The following NRG1 variants were observed in gnomAD, a reference collection of about 807,000 sequenced individuals.
NRG1 encodes the protein neuregulin 1.
NRG1 carries 18 observed loss-of-function variants against 63.8 expected under a neutral mutation model. The ratio of observed to expected loss-of-function variants is 0.28; its 90% CI spans 0.19 to 0.42. NRG1 has a LOEUF of 0.42. Ranked by LOEUF, NRG1 falls within the 10% of genes least tolerant of loss-of-function variation. The probability of loss-of-function intolerance (pLI) is 1.00; values close to 1 mark genes in which losing one functional copy is unlikely to be tolerated. For missense variants in NRG1, 762 were observed against 814.7 expected, an observed-to-expected ratio of 0.94 and a Z score of 0.79; for synonymous variants, 302 against 301.3, an observed-to-expected ratio of 1.00 and a Z score of -0.02.
chr8:32,270,956 C>A (rs184033391), intron 1 of NRG1, among the ~76,000 whole-genome samples: 72 of 152,244 alleles, frequency 4.7e-4, no homozygotes, highest in Non-Finnish European at 1.0e-3. Context: ...TTCTGCCTCT[C>A]TTCTGCTGCC....
In NRG1 at chr8:31,856,910, C is replaced by A. The variant is rs1322866898; in HGVS notation, c.37+217479C>A. ...GTCTGCCCCTGCTGGGGGATGCCTC[C>A]CAGTTAGGCTGCTCGGGGGTCAGGT... On this transcript the variant is annotated intron_variant, in intron 1 of 10. Coordinates refer to the NRG1 transcript ENST00000519301. 2.6e-5 allele frequency among the ~76,000 whole-genome samples: 4 copies of A among 152,162 alleles called. No homozygotes were observed. The East Asian group carries it at 7.7e-4, about 29-fold the overall frequency.
chr8:32,433,202 T>A (rs1298240027), intron 1 of NRG1, among the ~76,000 whole-genome samples: 1 of 152,066 alleles, frequency 6.6e-6, no homozygotes, highest in Non-Finnish European at 1.5e-5. Context: ...CAGCATTGCA[T>A]CAAATGGAAG....
At position 32,549,688 on chromosome 8, in the gene NRG1, C is replaced by T. The variant is rs191594896; in HGVS notation, c.100+862C>T. Among the ~76,000 whole-genome samples, 1,232 of 152,232 alleles carry T rather than the reference C, an allele frequency of 8.1e-3. 10 individuals are homozygous for T. Among genetic ancestry groups the T allele is most frequent in the Middle Eastern group, 0.031 (9 of 294 alleles). ...TCTAGAAACAAATCTTGTATTTCAT[C>T]ATCAGAACACGAGCATGAACAAAAG... is the stretch of plus-strand genomic sequence containing the variant. On this transcript the variant is annotated intron_variant, in intron 1 of 11. Coordinates refer to ENST00000356819, the Ensembl canonical transcript of NRG1.
chr8:32,092,115 G>A lies in NRG1; in HGVS notation c.37+452684G>A, dbSNP rs569574045. Among the ~76,000 whole-genome samples the A allele has an allele frequency of 3.9e-5, 6 of 152,168 alleles. 1 individual carries two copies. The highest frequency in any genetic ancestry group is 1.4e-4 in the African/African-American group (6 of 41,502). ...AAATATATGTTATTTCACAACATAT[G>A]TAAAACCATTAAAATACATTGACAT... On this transcript the variant is annotated intron_variant, in intron 1 of 10. Coordinates refer to the NRG1 transcript ENST00000519301.
At chr8:32,082,370 C>T (rs952231346) in intron 1 of NRG1, among the ~76,000 whole-genome samples, 1 of 152,040 alleles carries the variant, frequency 6.6e-6, no homozygotes, top group African/African-American at 2.4e-5. Flanking sequence ...CTACCCTCCA[C>T]CCTCCACCCT....
intron 1 of NRG1, among the ~76,000 whole-genome samples, chr8:32,471,368 GT>G (rs1176022106): frequency 2.0e-5 from 3 of 152,238 alleles, no homozygotes; most frequent in East Asian, 3.9e-4. Context: ...AAGTGAGTCT[GT>G]TTTTTCCCCT....
rs35398326 is a variant in NRG1, at chr8:32,738,425, T to TACACACACACAC, written c.633-4240_633-4229dup. ...ATTAATGAAACGAATGGTATATACA[T>TACACACACACAC]ACACACACACACACACACACATATG... On this transcript the variant is annotated intron_variant, in intron 6 of 11. Transcript: ENST00000356819. 1.3e-3 allele frequency among the ~76,000 whole-genome samples: 202 copies of TACACACACACAC among 149,762 alleles called. 3 individuals carry two copies. In the East Asian group the frequency reaches 0.038, roughly 28 times the overall value.
intron 1 of NRG1, among the ~76,000 whole-genome samples, chr8:32,331,720 G>A (rs2129477643): frequency 6.6e-6 from 1 of 152,326 alleles, no homozygotes; most frequent in Middle Eastern, 3.4e-3. Context: ...GACTGGGTTA[G>A]GGGGTGGTTA....
chr8:32,689,772 CA>C (rs1200005936), intron 5 of NRG1, among the ~76,000 whole-genome samples: 6 of 152,166 alleles, frequency 3.9e-5, no homozygotes, highest in African/African-American at 1.4e-4. Flanking sequence ...AGCTGATTCA[CA>C]TCGTTTTCAT....
chr8:32,678,139 A>G (rs901801141), intron 5 of NRG1, among the ~76,000 whole-genome samples: 1 of 152,204 alleles, frequency 6.6e-6, no homozygotes, highest in African/African-American at 2.4e-5. Flanking sequence ...ATGGACATAA[A>G]AAATCTCCTT....
chr8:32,675,458 A>G lies in NRG1; in HGVS notation c.503-52491A>G, dbSNP rs1393904465. On this transcript the variant is annotated intron_variant, in intron 5 of 11. Transcript: ENST00000356819. ...ACTTTTCATTAAGACTTTATTTATTATTTTCCCCAAAAAGTACTTGTTGCT... is the reference window on the plus strand; with the variant it reads ...ACTTTTCATTAAGACTTTATTTATTGTTTTCCCCAAAAAGTACTTGTTGCT... 4.6e-5 allele frequency among the ~76,000 whole-genome samples: 7 copies of G among 152,288 alleles called. No individual in the cohort carries two copies. In the East Asian group the frequency reaches 7.7e-4, roughly 17 times the overall value.
intron 5 of NRG1, among the ~76,000 whole-genome samples, chr8:32,687,552 C>T (rs146715925): frequency 6.6e-6 from 1 of 152,306 alleles, no homozygotes; most frequent in East Asian, 1.9e-4. Flanking sequence ...AAGCCAGAAG[C>T]TCAGAACCAT....
intron 1 of NRG1, among the ~76,000 whole-genome samples, chr8:32,146,164 G>T (rs982249897): frequency 1.3e-5 from 2 of 152,166 alleles, no homozygotes; most frequent in Non-Finnish European, 2.9e-5. Context: ...GCACATTTCT[G>T]TATTAAACTA....
intron 1 of NRG1, among the ~76,000 whole-genome samples, chr8:32,002,026 T>C (rs548357618): frequency 6.6e-6 from 1 of 152,010 alleles, no homozygotes; most frequent in South Asian, 2.1e-4. Context: ...ATAAATTAAT[T>C]GAATTTTTTT....
intron 1 of NRG1, among the ~76,000 whole-genome samples, chr8:32,059,189 T>C (rs899830041): frequency 2.6e-5 from 4 of 152,060 alleles, no homozygotes; most frequent in Non-Finnish European, 1.5e-5. Context: ...AAGCTGCATT[T>C]CTTTTATGTA....
intron 1 of NRG1, among the ~76,000 whole-genome samples, chr8:31,757,698 A>G (rs1817115298): frequency 6.6e-6 from 1 of 152,128 alleles, no homozygotes; most frequent in Non-Finnish European, 1.5e-5. Context: ...AGAAGACCAG[A>G]GGGAAGAAAA....
chr8:32,044,358 G>T (rs1469538414), intron 1 of NRG1, among the ~76,000 whole-genome samples: 1 of 151,812 alleles, frequency 6.6e-6, no homozygotes, highest in Non-Finnish European at 1.5e-5. Flanking sequence ...ATTATACTTT[G>T]AAGATTCAAC....
intron 1 of NRG1, among the ~76,000 whole-genome samples, chr8:31,758,492 A>G (rs1817208609): frequency 6.6e-6 from 1 of 152,144 alleles, no homozygotes; most frequent in Non-Finnish European, 1.5e-5. Context: ...TACACTGAAT[A>G]AAGAAACTGT....
At chr8:31,787,584 A>G (rs1374393811) in intron 1 of NRG1, among the ~76,000 whole-genome samples, 1 of 152,224 alleles carries the variant, frequency 6.6e-6, no homozygotes, top group Non-Finnish European at 1.5e-5. Context: ...CCATGGATAT[A>G]GGATGGAAGA....
Sources: allele counts gnomAD v4.1 joint callset (sites outside exome capture counted in the v4.1 genomes callset), GRCh38; gene constraint gnomAD v4.1.1; transcripts MANE v1.5; gene names NCBI Gene and HGNC (gene_info 2026-07-23, HGNC 2026-07-21).